Variants in SGCZ observed in about 807,000 individuals in gnomAD.
SGCZ encodes the protein sarcoglycan zeta, also known as zeta-sarcoglycan.
A neutral mutation model predicts 41.3 loss-of-function variants in SGCZ; 40 were observed. That is an observed-to-expected ratio of 0.97 (90% CI 0.75 to 1.26). SGCZ has a LOEUF of 1.26. Ranked by LOEUF, SGCZ falls within the 50% of genes most tolerant of loss-of-function variation. The pLI is 0.00. For missense variants in SGCZ, 552 were observed against 369.8 expected, an observed-to-expected ratio of 1.49 and a Z score of -4.04; for synonymous variants, 206 against 137.5, an observed-to-expected ratio of 1.50 and a Z score of -3.49.
chr8:14,688,012 C>G (rs531703520), intron 1 of SGCZ, among the ~76,000 whole-genome samples: 1 of 152,242 alleles, frequency 6.6e-6, no homozygotes, highest in South Asian at 2.1e-4. Flanking sequence ...AGTGTCTGTT[C>G]ATGTCCTTCG....
chr8:15,038,013 T>G (rs73205418), intron 1 of SGCZ, among the ~76,000 whole-genome samples: 26,157 of 152,056 alleles, frequency 0.17, 2,534 homozygotes, highest in South Asian at 0.28. Context: ...TTAATATGGT[T>G]AAAATGTCCA....
At chr8:14,463,437 T>A (rs892264388) in intron 2 of SGCZ, among the ~76,000 whole-genome samples, 2 of 146,774 alleles carry the variant, frequency 1.4e-5, no homozygotes, top group Non-Finnish European at 3.0e-5. Context: ...GATATCCACA[T>A]GCAAAAGAAT....
intron 5 of SGCZ, among the ~76,000 whole-genome samples, chr8:14,133,355 A>G (rs984006014): frequency 6.6e-6 from 1 of 152,186 alleles, no homozygotes; most frequent in African/African-American, 2.4e-5. Flanking sequence ...TCATTAATTC[A>G]GCTTGCATTG....
intron 4 of SGCZ, among the ~76,000 whole-genome samples, chr8:14,174,257 T>C (rs1220436658): frequency 6.6e-6 from 1 of 152,162 alleles, no homozygotes; most frequent in Non-Finnish European, 1.5e-5. Context: ...GACACTGTGA[T>C]ATTGCATAAC....
At chr8:15,223,733 T>C (rs1328333259) in intron 1 of SGCZ, among the ~76,000 whole-genome samples, 1 of 152,216 alleles carries the variant, frequency 6.6e-6, no homozygotes, top group Middle Eastern at 3.2e-3. Flanking sequence ...TTACTAATTA[T>C]ATTTTGCACA....
intron 2 of SGCZ, among the ~76,000 whole-genome samples, chr8:14,545,584 A>T (rs967300226): frequency 6.6e-6 from 1 of 152,184 alleles, no homozygotes; most frequent in Admixed American, 6.6e-5. Context: ...TATGGAGATG[A>T]CACACATATT....
At chr8:14,483,979 C>A (rs1220628824) in intron 2 of SGCZ, among the ~76,000 whole-genome samples, 1 of 152,116 alleles carries the variant, frequency 6.6e-6, no homozygotes, top group Admixed American at 6.5e-5. Context: ...TGGCATCCAG[C>A]CCATGAAAAT....
At chr8:14,344,175 C>A (rs1802810772) in intron 2 of SGCZ, among the ~76,000 whole-genome samples, 1 of 151,496 alleles carries the variant, frequency 6.6e-6, no homozygotes, top group Admixed American at 6.6e-5. Flanking sequence ...TGGATAGAAA[C>A]CAAAAACAAG....
intron 1 of SGCZ, among the ~76,000 whole-genome samples, chr8:14,722,322 C>T (rs956770423): frequency 1.3e-5 from 2 of 151,952 alleles, no homozygotes; most frequent in Admixed American, 6.6e-5. Flanking sequence ...GTATTGTCTT[C>T]GGTAGGAACA....
intron 3 of SGCZ, among the ~76,000 whole-genome samples, chr8:14,247,779 G>A (rs1439917692): frequency 2.0e-5 from 3 of 152,170 alleles, no homozygotes. Context: ...CCTATCCACT[G>A]TGAGTGCTAC....
intron 4 of SGCZ, among the ~76,000 whole-genome samples, chr8:14,230,138 C>A (rs11988115): frequency 0.018 from 2,669 of 152,030 alleles, 90 homozygotes; most frequent in African/African-American, 0.061. Flanking sequence ...TATTGAGGAA[C>A]GTAAGGACCA....
At chr8:14,722,182 C>A (rs1585209305) in intron 1 of SGCZ, among the ~76,000 whole-genome samples, 1 of 152,062 alleles carries the variant, frequency 6.6e-6, no homozygotes, top group African/African-American at 2.4e-5. Flanking sequence ...TTTATTATTT[C>A]TCTCTACCTC....
At position 14,862,535 on chromosome 8, in the gene SGCZ, GATATATATATATATATATATATATATAT is replaced by G. The variant is rs59769861; in HGVS notation, c.40-307637_40-307610del. ...TATGAAACAAAAATTGCATCTTTAA[GATATATATATATATATATATATATATAT>G]ATATATATATATATATATACACACA... On this transcript the variant is annotated intron_variant, in intron 1 of 7. Coordinates refer to ENST00000382080, the MANE Select transcript of SGCZ (RefSeq NM_139167.4). Among the ~76,000 whole-genome samples, 81 of 61,576 alleles carry G rather than the reference GATATATATATATATATATATATATATAT, an allele frequency of 1.3e-3. 1 individual carries two copies. Among genetic ancestry groups the G allele is most frequent in the East Asian group, 5.6e-3 (10 of 1,786 alleles). 40.4% of individuals were successfully genotyped at this position (61,576 alleles called of 152,430 possible).
intron 1 of SGCZ, among the ~76,000 whole-genome samples, chr8:15,045,523 T>C (rs1200363150): frequency 6.6e-6 from 1 of 152,038 alleles, no homozygotes; most frequent in Non-Finnish European, 1.5e-5. Context: ...GTAATTTGGG[T>C]TTAAGATTGA....
chr8:14,610,673 A>T (rs535873756), intron 1 of SGCZ, among the ~76,000 whole-genome samples: 5 of 152,310 alleles, frequency 3.3e-5, no homozygotes, highest in African/African-American at 1.2e-4. Flanking sequence ...AGTGATGATG[A>T]TATAAGGCAG....
intron 1 of SGCZ, among the ~76,000 whole-genome samples, chr8:15,197,898 A>G (rs1800779797): frequency 6.6e-6 from 1 of 151,374 alleles, no homozygotes; most frequent in African/African-American, 2.4e-5. Flanking sequence ...ACACACACAC[A>G]CATTCGTGTA....
intron 1 of SGCZ, among the ~76,000 whole-genome samples, chr8:15,198,499 C>A (rs912963138): frequency 6.6e-6 from 1 of 152,090 alleles, no homozygotes; most frequent in Admixed American, 6.6e-5. Context: ...AAAAGTAGCA[C>A]ATCAATCTGG....
intron 2 of SGCZ, among the ~76,000 whole-genome samples, chr8:14,447,859 G>A (rs965350229): frequency 4.6e-5 from 7 of 152,224 alleles, no homozygotes; most frequent in South Asian, 4.1e-4. Context: ...ATGTCATAAT[G>A]CACAAGTTCA....
At chr8:14,967,888 C>A (rs1304078492) in intron 1 of SGCZ, among the ~76,000 whole-genome samples, 1 of 152,160 alleles carries the variant, frequency 6.6e-6, no homozygotes, top group African/African-American at 2.4e-5. Context: ...CCGAGGTGAA[C>A]AGCCCTACTC....
Sources: allele counts gnomAD v4.1 joint callset (sites outside exome capture counted in the v4.1 genomes callset), GRCh38; gene constraint gnomAD v4.1.1; transcripts MANE v1.5; gene names NCBI Gene and HGNC (gene_info 2026-07-23, HGNC 2026-07-21).